Variants in SMAD3 observed in about 807,000 individuals in gnomAD.
SMAD3 encodes SMAD family member 3, also known as MAD homolog 3.
Under a neutral mutation model 51.8 loss-of-function variants are expected in SMAD3, and 12 were observed. The observed-to-expected ratio is 0.23, with a 90% CI of 0.15 to 0.38. The LOEUF is 0.38. Ranked by LOEUF, SMAD3 falls within the 10% of genes least tolerant of loss-of-function variation. SMAD3 has a pLI of 1.00. For missense variants in SMAD3, 294 were observed against 565.6 expected, an observed-to-expected ratio of 0.52 and a Z score of 4.87; for synonymous variants, 238 against 227.7, an observed-to-expected ratio of 1.05 and a Z score of -0.41.
intron 1 of SMAD3, among the ~76,000 whole-genome samples, chr15:67,126,861 G>T (rs567851747): frequency 6.6e-6 from 1 of 152,302 alleles, no homozygotes; most frequent in African/African-American, 2.4e-5. Flanking sequence ...ATTGTGGAGT[G>T]GGGGGCAGTG....
chr15:67,157,340 G>A (rs1373227935), intron 1 of SMAD3, among the ~76,000 whole-genome samples: 1 of 152,170 alleles, frequency 6.6e-6, no homozygotes, highest in Admixed American at 6.5e-5. Flanking sequence ...TTTTAATAAT[G>A]GTGATGCAGC....
chr15:67,097,114 T>C (rs919707745), intron 1 of SMAD3, among the ~76,000 whole-genome samples: 2 of 152,248 alleles, frequency 1.3e-5, no homozygotes, highest in African/African-American at 4.8e-5. Context: ...GTCTTTTGGT[T>C]GCAGTGTAGT....
chr15:67,141,377 C>T (rs1961816429), intron 1 of SMAD3, among the ~76,000 whole-genome samples: 1 of 152,164 alleles, frequency 6.6e-6, no homozygotes. Context: ...ATGCTTCTCC[C>T]TGAGATTATG....
rs1042599418 is a variant in SMAD3 at position 67,192,624 on chromosome 15, A to G, written c.*2088A>G. The stretch of plus-strand genomic sequence containing the variant: ...TGGGCAGCAGTTTCCGAGGGCCTGC[A>G]TGATCCACCTGCTGCACGATCCTAT... On this transcript the variant is annotated 3_prime_UTR_variant, in exon 9 of 9. Coordinates refer to ENST00000327367, the MANE Select transcript of SMAD3 (RefSeq NM_005902.4). The G allele has an allele frequency of 8.1e-5, 19 of 233,204 alleles. No homozygotes were observed. Among genetic ancestry groups the G allele is most frequent in the Non-Finnish European group, 1.4e-4 (17 of 118,004 alleles). The allele number at this position is 233,204 out of a possible 1,614,324, so 14.4% of individuals were successfully genotyped here.
At chr15:67,068,612 G>A (rs545325022) in intron 1 of SMAD3, among the ~76,000 whole-genome samples, 2 of 152,284 alleles carry the variant, frequency 1.3e-5, no homozygotes, top group Non-Finnish European at 2.9e-5. Flanking sequence ...CTGCCTGCCT[G>A]GATAGGACTG....
chr15:67,167,848 G>A (rs1045914930), intron 4 of SMAD3, among the ~76,000 whole-genome samples: 2 of 152,184 alleles, frequency 1.3e-5, no homozygotes, highest in African/African-American at 4.8e-5. Context: ...AGGGAACCAC[G>A]CAGATGTTCC....
At chr15:67,098,687 C>T (rs374153657) in intron 1 of SMAD3, 43 of 569,746 alleles carry the variant, frequency 7.5e-5, no homozygotes, top group East Asian at 4.8e-4. Context: ...AGAAAACAAG[C>T]TTCGGGAGTT....
chr15:67,072,830 C>T (rs543137585), intron 1 of SMAD3, among the ~76,000 whole-genome samples: 38 of 152,224 alleles, frequency 2.5e-4, no homozygotes, highest in Non-Finnish European at 4.6e-4. Context: ...TGGGAAGTTG[C>T]CATCCTAAGC....
intron 1 of SMAD3, among the ~76,000 whole-genome samples, chr15:67,132,887 C>G (rs1757044735): frequency 6.6e-6 from 1 of 152,162 alleles, no homozygotes; most frequent in African/African-American, 2.4e-5. Context: ...AGAAATCAGA[C>G]TCCCCGTAAC....
chr15:67,090,618 A>G (rs1037205758), intron 1 of SMAD3, among the ~76,000 whole-genome samples: 4 of 152,246 alleles, frequency 2.6e-5, no homozygotes, highest in Admixed American at 2.0e-4. Context: ...TGAACCACTC[A>G]CTATAGGCTG....
At chr15:67,138,026 C>T in intron 1 of SMAD3, 1 of 1,549,568 alleles carries the variant, frequency 6.5e-7, no homozygotes, top group Non-Finnish European at 8.7e-7. Flanking sequence ...ACTTCACAAA[C>T]ATGTCTTGCC....
In SMAD3 at chr15:67,066,058, G is replaced by C; in HGVS notation, c.-97G>C. 2.7e-6 allele frequency: 2 copies of C among 747,154 alleles called. No homozygotes were observed. Among genetic ancestry groups the C allele is most frequent in the Non-Finnish European group, 3.9e-6 (2 of 515,806 alleles). The allele number at this position is 747,154 out of a possible 1,614,324, so 46.3% of individuals were successfully genotyped here. On this transcript the variant is annotated 5_prime_UTR_variant, in exon 1 of 9. Coordinates refer to ENST00000327367, the MANE Select transcript of SMAD3 (RefSeq NM_005902.4). The stretch of plus-strand genomic sequence containing the variant: ...GTTGAGGCGAAGTTTGGGCGACCGC[G>C]GCAGGCCCCGGCCGAGCTCCCCTCT...
At chr15:67,070,656 T>C (rs17291497) in intron 1 of SMAD3, among the ~76,000 whole-genome samples, 58,030 of 149,730 alleles carry the variant, frequency 0.39, 11,792 homozygotes, top group South Asian at 0.55. Context: ...CAGCTACCAG[T>C]AGAAATATGA....
At chr15:67,154,251 C>T (rs1962223733) in intron 1 of SMAD3, among the ~76,000 whole-genome samples, 1 of 152,114 alleles carries the variant, frequency 6.6e-6, no homozygotes, top group Non-Finnish European at 1.5e-5. Flanking sequence ...ATTTGGTTTC[C>T]CCCTAGACTG....
chr15:67,088,655 T>C (rs899729897), intron 1 of SMAD3, among the ~76,000 whole-genome samples: 4 of 151,912 alleles, frequency 2.6e-5, no homozygotes, highest in Admixed American at 6.6e-5. Flanking sequence ...TAAGGCCGGG[T>C]GCGGTGGCTC....
At chr15:67,142,750 T>C in intron 1 of SMAD3, 4 of 390,950 alleles carry the variant, frequency 1.0e-5, no homozygotes, top group Non-Finnish European at 2.1e-5. Flanking sequence ...ACAGTGGAGA[T>C]ATATTGATCT....
At chr15:67,131,965 T>C (rs1379664323) in intron 1 of SMAD3, among the ~76,000 whole-genome samples, 1 of 152,084 alleles carries the variant, frequency 6.6e-6, no homozygotes. Context: ...TCCTCCAATC[T>C]CCCCCTTCTG....
At chr15:67,118,467 C>G (rs1215810719) in intron 1 of SMAD3, among the ~76,000 whole-genome samples, 1 of 152,156 alleles carries the variant, frequency 6.6e-6, no homozygotes, top group Non-Finnish European at 1.5e-5. Context: ...AGAGTAAGAT[C>G]AGGACTGGGG....
At chr15:67,099,013 AG>A (rs1960688034) in intron 1 of SMAD3, 1 of 701,462 alleles carries the variant, frequency 1.4e-6, no homozygotes, top group South Asian at 1.5e-5. Flanking sequence ...GTCCTGAGCG[AG>A]GATCAACTCT....
Sources: allele counts gnomAD v4.1 joint callset (sites outside exome capture counted in the v4.1 genomes callset), GRCh38; gene constraint gnomAD v4.1.1; transcripts MANE v1.5; gene names NCBI Gene and HGNC (gene_info 2026-07-23, HGNC 2026-07-21).